The following RALYL variants were observed in gnomAD, a reference collection of about 807,000 sequenced individuals.
RALYL encodes the protein RNA-binding Raly-like protein.
In RALYL, 29 loss-of-function variants were observed where a neutral mutation model predicts 35.1. That is an observed-to-expected ratio of 0.83 (90% CI 0.61 to 1.13). The LOEUF (loss-of-function observed/expected upper bound fraction) is 1.13. Ranked by LOEUF, RALYL falls within the 50% of genes most tolerant of loss-of-function variation. RALYL has a pLI of 0.00. For synonymous variants in RALYL, 120 were observed against 127.6 expected (o/e 0.94, Z 0.40); for missense variants, 359 against 360.4 (o/e 1.00, Z 0.03).
At position 84,532,198 on chromosome 8, in the gene RALYL, A is replaced by G. The variant is rs527242676; in HGVS notation, c.256+2621A>G. ...TCTAACAACTTTGCTTTTCAGGTCAAGTGCTTGAATATACCCAGCGGTTTT... is the reference window on the plus strand; with the variant it reads ...TCTAACAACTTTGCTTTTCAGGTCAGGTGCTTGAATATACCCAGCGGTTTT... On this transcript the variant is annotated intron_variant, in intron 2 of 8. Coordinates refer to ENST00000521268, the MANE Select transcript of RALYL (RefSeq NM_173848.7). 2.0e-5 allele frequency among the ~76,000 whole-genome samples: 3 copies of G among 152,086 alleles called. No individual in the cohort carries two copies. The South Asian group carries it at 6.2e-4, about 31-fold the overall frequency.
intron 2 of RALYL, among the ~76,000 whole-genome samples, chr8:84,693,148 A>G (rs1310107324): frequency 6.6e-6 from 1 of 152,026 alleles, no homozygotes; most frequent in Non-Finnish European, 1.5e-5. Flanking sequence ...AAATATTTGT[A>G]GAGCAACTAA....
intron 1 of RALYL, among the ~76,000 whole-genome samples, chr8:84,489,332 G>T (rs2054994439): frequency 6.6e-6 from 1 of 151,846 alleles, no homozygotes; most frequent in Non-Finnish European, 1.5e-5. Context: ...GTTATTTATT[G>T]ATGTTAACAA....
At chr8:84,675,117 G>C (rs868122656) in intron 2 of RALYL, among the ~76,000 whole-genome samples, 1 of 151,938 alleles carries the variant, frequency 6.6e-6, no homozygotes, top group South Asian at 2.1e-4. Flanking sequence ...AAGATTTATC[G>C]TATTTCCAAT....
chr8:84,248,931 CT>C (rs1414345607), intron 1 of RALYL, among the ~76,000 whole-genome samples: 2 of 152,028 alleles, frequency 1.3e-5, no homozygotes, highest in East Asian at 3.9e-4. Flanking sequence ...AATTATCCAG[CT>C]TGATTATGTC....
At chr8:84,587,380 A>C (rs963380926) in intron 2 of RALYL, among the ~76,000 whole-genome samples, 3 of 152,216 alleles carry the variant, frequency 2.0e-5, no homozygotes, top group Admixed American at 2.0e-4. Context: ...TATCTTATGT[A>C]TTAAATGTTA....
At chr8:84,499,727 T>G (rs896904928) in intron 1 of RALYL, among the ~76,000 whole-genome samples, 7 of 152,130 alleles carry the variant, frequency 4.6e-5, no homozygotes, top group Admixed American at 3.3e-4. Flanking sequence ...ACATATTTTC[T>G]TGATTTAAGA....
chr8:84,662,147 T>C (rs751353293), intron 2 of RALYL, among the ~76,000 whole-genome samples: 5 of 152,150 alleles, frequency 3.3e-5, no homozygotes, highest in Non-Finnish European at 5.9e-5. Context: ...TTAAATATGC[T>C]CATGTCTCAA....
intron 1 of RALYL, among the ~76,000 whole-genome samples, chr8:84,303,215 T>C (rs2132399905): frequency 6.6e-6 from 1 of 152,296 alleles, no homozygotes; most frequent in East Asian, 1.9e-4. Context: ...AGAAAAAATA[T>C]GAATGAATGA....
intron 4 of RALYL, among the ~76,000 whole-genome samples, chr8:84,831,354 C>T (rs970436693): frequency 6.6e-6 from 1 of 151,304 alleles, no homozygotes; most frequent in African/African-American, 2.5e-5. Flanking sequence ...AGGATTGTAA[C>T]ACAAGAACTC....
At chr8:84,798,593 T>C (rs115824997) in intron 3 of RALYL, among the ~76,000 whole-genome samples, 1,953 of 152,336 alleles carry the variant, frequency 0.013, 46 homozygotes, top group African/African-American at 0.045. Context: ...CCTGTACACT[T>C]AAGCCCTTTG....
At chr8:84,735,811 C>T (rs28533486) in intron 2 of RALYL, among the ~76,000 whole-genome samples, 2,654 of 111,240 alleles carry the variant, frequency 0.024, 132 homozygotes, top group African/African-American at 0.068. Context: ...ATCCAAACCG[C>T]GAGAGAGAGA....
chr8:84,317,188 A>T (rs1016384907), intron 1 of RALYL, among the ~76,000 whole-genome samples: 2 of 152,108 alleles, frequency 1.3e-5, no homozygotes, highest in African/African-American at 4.8e-5. Context: ...CATCTTTCAT[A>T]GTATGAGATA....
At chr8:84,790,866 TG>T (rs1820609889) in intron 3 of RALYL, among the ~76,000 whole-genome samples, 1 of 152,202 alleles carries the variant, frequency 6.6e-6, no homozygotes, top group South Asian at 2.1e-4. Context: ...TGACCACCTT[TG>T]ATTGGCCAGA....
chr8:84,203,087 G>A (rs941773947), intron 1 of RALYL, among the ~76,000 whole-genome samples: 1 of 152,110 alleles, frequency 6.6e-6, no homozygotes, highest in African/African-American at 2.4e-5. Flanking sequence ...ATGGAAATGA[G>A]AACTGTGCTT....
At chr8:84,641,264 C>A (rs1379887588) in intron 2 of RALYL, among the ~76,000 whole-genome samples, 1 of 151,308 alleles carries the variant, frequency 6.6e-6, no homozygotes, top group East Asian at 2.0e-4. Context: ...TAAAAGTATT[C>A]TTTTTTAACA....
intron 1 of RALYL, among the ~76,000 whole-genome samples, chr8:84,249,217 G>A (rs1829716419): frequency 1.3e-5 from 2 of 152,044 alleles, no homozygotes; most frequent in Non-Finnish European, 2.9e-5. Context: ...AGATTGCCTG[G>A]AACTTGATAA....
At chr8:84,417,462 G>T (rs1225329602) in intron 1 of RALYL, among the ~76,000 whole-genome samples, 1 of 151,882 alleles carries the variant, frequency 6.6e-6, no homozygotes, top group Non-Finnish European at 1.5e-5. Context: ...CTTTTCTATT[G>T]GGTTGCAACT....
At chr8:84,256,861 C>T (rs1048620854) in intron 1 of RALYL, among the ~76,000 whole-genome samples, 1 of 152,002 alleles carries the variant, frequency 6.6e-6, no homozygotes, top group Non-Finnish European at 1.5e-5. Flanking sequence ...AGAATTGAAT[C>T]GGGCTTCTGT....
chr8:84,415,374 G>A (rs928151004), intron 1 of RALYL, among the ~76,000 whole-genome samples: 1 of 151,570 alleles, frequency 6.6e-6, no homozygotes, highest in Non-Finnish European at 1.5e-5. Context: ...CTAGTAGCTG[G>A]GATTACAGGC....
Sources: gnomAD v4.1 joint callset for allele counts (sites outside exome capture counted in the v4.1 genomes callset) on GRCh38, gnomAD v4.1.1 for gene constraint, MANE v1.5 for transcripts, NCBI Gene and HGNC (gene_info 2026-07-23, HGNC 2026-07-21) for gene names.